SOBP: variants seen among roughly 807,000 people sequenced by gnomAD.
SOBP encodes the protein sine oculis binding protein homolog, also known as sine oculis-binding protein homolog.
Under a neutral mutation model 53.6 loss-of-function variants are expected in SOBP, and 4 were observed. That is an observed-to-expected ratio of 0.07 (90% confidence interval 0.04 to 0.17). The LOEUF (loss-of-function observed/expected upper bound fraction) is 0.17, where lower values mean the gene tolerates loss of function less well. Ranked by LOEUF, SOBP falls within the 10% of genes least tolerant of loss-of-function variation. The pLI is 1.00. For synonymous variants in SOBP, 584 were observed against 522.6 expected (o/e 1.12, Z -1.60); for missense variants, 1,088 against 1,204.7 (o/e 0.90, Z 1.43).
At position 107,633,924 on chromosome 6, in the gene SOBP, T is replaced by C. The variant is rs1770835551; in HGVS notation, c.1080T>C (p.Asn360=). Residue 360 remains asparagine, a synonymous_variant, in exon 6 of 7, where the codon AAT becomes AAC. Transcript: ENST00000317357. The part of the protein sequence containing the change: ...PKSIPISETP[N]IPPVSVQPPA... Reference sequence around the variant, plus strand: ...CCATCCCCATCAGCGAGACTCCAAATATCCCTCCTGTCTCCGTCCAGCCAC... The same window carrying C: ...CCATCCCCATCAGCGAGACTCCAAACATCCCTCCTGTCTCCGTCCAGCCAC... 6.2e-7 allele frequency: 1 copy of C among 1,614,030 alleles called. No individual in the cohort carries two copies. The highest frequency in any genetic ancestry group is 1.3e-5 in the African/African-American group (1 of 74,934).
intron 4 of SOBP, among the ~76,000 whole-genome samples, chr6:107,550,733 T>A (rs1784437658): frequency 6.6e-6 from 1 of 152,042 alleles, no homozygotes; most frequent in African/African-American, 2.4e-5. Context: ...AAAAGGACGG[T>A]GAGGCTCAAA....
At chr6:107,547,604 A>G (rs984532686) in intron 4 of SOBP, among the ~76,000 whole-genome samples, 3 of 152,222 alleles carry the variant, frequency 2.0e-5, no homozygotes, top group Non-Finnish European at 4.4e-5. Context: ...AAAAGAACTA[A>G]TAATAAAACT....
chr6:107,634,962 A>T lies in SOBP; in HGVS notation c.2118A>T (p.Pro706=). The T allele has an allele frequency of 9.8e-7, 1 of 1,023,642 alleles. No homozygotes were observed. The highest frequency in any genetic ancestry group is 1.2e-6 in the Non-Finnish European group (1 of 857,860). The allele number at this position is 1,023,642 out of a possible 1,614,324, so 63.4% of individuals were successfully genotyped here. A position where few individuals can be genotyped will look rare whatever the true frequency, so the allele number is the denominator to read the frequency against. ...GHCSPPAAGD[P]GPGAPAGPEA... Reference sequence around the variant, plus strand: ...GCAGCCCGCCCGCCGCCGGCGACCCAGGCCCGGGCGCCCCGGCGGGCCCCG... The same window carrying T: ...GCAGCCCGCCCGCCGCCGGCGACCCTGGCCCGGGCGCCCCGGCGGGCCCCG... Residue 706 remains proline, a synonymous_variant, in exon 6 of 7, where the codon CCA becomes CCT. Transcript: ENST00000317357. The surrounding 1 kb of genome is among the most constrained non-coding windows in gnomAD (Gnocchi z 4.5).
chr6:107,502,658 C>G (rs934552404), intron 1 of SOBP, among the ~76,000 whole-genome samples: 1 of 151,988 alleles, frequency 6.6e-6, no homozygotes, highest in Non-Finnish European at 1.5e-5. Context: ...TTATTTGGTA[C>G]TTTTATGTTA....
chr6:107,585,262 C>A (rs971584905), intron 4 of SOBP, among the ~76,000 whole-genome samples: 1 of 152,136 alleles, frequency 6.6e-6, no homozygotes, highest in Non-Finnish European at 1.5e-5. Context: ...GTGGTCCCTG[C>A]CTTTAAGAGA....
chr6:107,505,505 A>G (rs1782960437), intron 2 of SOBP, among the ~76,000 whole-genome samples: 2 of 151,788 alleles, frequency 1.3e-5, no homozygotes, highest in African/African-American at 2.4e-5. Flanking sequence ...TATTTTTGGT[A>G]GAGACGGGGG....
intron 4 of SOBP, among the ~76,000 whole-genome samples, chr6:107,576,664 G>A (rs1484598823): frequency 1.3e-5 from 2 of 152,182 alleles, no homozygotes; most frequent in African/African-American, 4.8e-5. Flanking sequence ...AAAGCTGCAG[G>A]GAATCAGTGG....
chr6:107,629,959 G>A (rs542345228), intron 5 of SOBP, among the ~76,000 whole-genome samples: 3 of 152,294 alleles, frequency 2.0e-5, no homozygotes, highest in Non-Finnish European at 4.4e-5. Context: ...GATACATTAT[G>A]TATTTGTGAT....
chr6:107,539,061 G>C (rs1018711878), intron 4 of SOBP, among the ~76,000 whole-genome samples: 2 of 152,148 alleles, frequency 1.3e-5, no homozygotes, highest in African/African-American at 2.4e-5. Context: ...TTGGGGAGAG[G>C]TATGTGACCT....
At chr6:107,533,710 C>T in intron 4 of SOBP, 100 bp downstream of exon 4, 1 of 1,448,310 alleles carries the variant, frequency 6.9e-7, no homozygotes, top group Non-Finnish European at 9.6e-7. Context: ...GCACCTTTTA[C>T]TTTTATATTT....
intron 4 of SOBP, among the ~76,000 whole-genome samples, chr6:107,567,764 A>G (rs906278172): frequency 2.0e-5 from 3 of 152,224 alleles, no homozygotes; most frequent in Admixed American, 6.5e-5. Flanking sequence ...TCTTGATCCA[A>G]TAAGGACATG....
chr6:107,568,885 G>A (rs772100673), intron 4 of SOBP, among the ~76,000 whole-genome samples: 2 of 152,066 alleles, frequency 1.3e-5, no homozygotes, highest in East Asian at 1.9e-4. Flanking sequence ...TGATAAAACC[G>A]GCTTTATTAA....
At chr6:107,630,832 A>T (rs1487009412) in intron 5 of SOBP, among the ~76,000 whole-genome samples, 1 of 151,978 alleles carries the variant, frequency 6.6e-6, no homozygotes, top group Non-Finnish European at 1.5e-5. Flanking sequence ...TACTACTTGA[A>T]CACTTTGGGA....
At chr6:107,539,526 A>G (rs931253311) in intron 4 of SOBP, among the ~76,000 whole-genome samples, 3 of 152,164 alleles carry the variant, frequency 2.0e-5, no homozygotes, top group African/African-American at 7.2e-5. Flanking sequence ...GTTTTTTCTC[A>G]TCGGAACTGC....
chr6:107,627,959 A>G (rs1770535166), intron 5 of SOBP, among the ~76,000 whole-genome samples: 1 of 152,182 alleles, frequency 6.6e-6, no homozygotes. Context: ...ACATTCTGCC[A>G]TGGCAGGTTG....
chr6:107,605,993 A>C (rs1014546063), intron 5 of SOBP, among the ~76,000 whole-genome samples: 1 of 151,974 alleles, frequency 6.6e-6, no homozygotes. Context: ...TATAGGACAC[A>C]TACCCACTAC....
chr6:107,613,012 TC>T (rs1485666001), intron 5 of SOBP, among the ~76,000 whole-genome samples: 12 of 152,254 alleles, frequency 7.9e-5, no homozygotes, highest in African/African-American at 2.7e-4. Flanking sequence ...TTGTGTTGTT[TC>T]CACCCTTTGG....
chr6:107,494,607 A>T (rs1159586434), intron 1 of SOBP, among the ~76,000 whole-genome samples: 2 of 152,224 alleles, frequency 1.3e-5, no homozygotes, highest in Non-Finnish European at 2.9e-5. Flanking sequence ...TGTGCTGGAA[A>T]CTTTCCTAAA....
chr6:107,645,392 T>C (rs907558274), intron 6 of SOBP, among the ~76,000 whole-genome samples: 6 of 152,102 alleles, frequency 3.9e-5, no homozygotes, highest in African/African-American at 1.4e-4. Context: ...ACTAACAATA[T>C]CTAATGCTGA....
Sources: allele counts gnomAD v4.1 joint callset (sites outside exome capture counted in the v4.1 genomes callset), GRCh38; gene constraint gnomAD v4.1.1; non-coding constraint Gnocchi (gnomAD v3.1); transcripts MANE v1.5; gene names NCBI Gene and HGNC (gene_info 2026-07-23, HGNC 2026-07-21).